The following LRP8 variants were observed in gnomAD, a reference collection of about 807,000 sequenced individuals.
The protein encoded by LRP8 is low-density lipoprotein receptor-related protein 8.
In LRP8, 46 loss-of-function variants were observed where a neutral mutation model predicts 111.6. That is an observed-to-expected ratio of 0.41 (90% CI 0.33 to 0.53). LRP8 has a LOEUF of 0.53. Ranked by LOEUF, LRP8 falls within the 20% of genes least tolerant of loss-of-function variation. The pLI is 0.20. For synonymous variants in LRP8, 464 were observed against 511.2 expected (o/e 0.91, Z 1.24); for missense variants, 959 against 1,297.4 (o/e 0.74, Z 4.01).
At chr1:53,306,387 C>G (rs1651964540) in intron 2 of LRP8, among the ~76,000 whole-genome samples, 1 of 152,242 alleles carries the variant, frequency 6.6e-6, no homozygotes, top group Non-Finnish European at 1.5e-5. Flanking sequence ...CTCCCACATC[C>G]TTTTCTCCAG....
In LRP8 at chr1:53,249,262, C is replaced by T. The variant is rs2100335561; in HGVS notation, c.2853+118G>A. 3.6e-6 allele frequency: 4 copies of T among 1,111,760 alleles called. No homozygotes were observed. The South Asian group carries it at 6.3e-5, about 18-fold the overall frequency. The allele number at this position is 1,111,760 out of a possible 1,614,324, so 68.9% of individuals were successfully genotyped here. A position where few individuals can be genotyped will look rare whatever the true frequency, so the allele number is the denominator to read the frequency against. On this transcript the variant is annotated intron_variant, in intron 18 of 18. Transcript: ENST00000306052. The surrounding 1 kb of genome is among the most constrained non-coding windows in gnomAD (Gnocchi z 4.1). ...AACCCATTTTTCTTCTTTGCCCCAA[C>T]ACCCAGCTTACAATTTGCAGCCTTC...
intron 16 of LRP8, 54 bp downstream of exon 16, chr1:53,255,063 C>G: frequency 6.3e-7 from 1 of 1,584,304 alleles, no homozygotes; most frequent in Non-Finnish European, 8.6e-7. Context: ...GCGCTCTTCC[C>G]TAGGCCTAAG....
At position 53,293,109 on chromosome 1, in the gene LRP8, T is replaced by G. The variant is rs1367876057; in HGVS notation, c.245-3420A>C. Among the ~76,000 whole-genome samples the G allele has an allele frequency of 2.0e-5, 3 of 152,232 alleles. No individual in the cohort carries two copies. The highest frequency in any genetic ancestry group is 2.9e-5 in the Non-Finnish European group (2 of 68,032). ...CTTGAAGAAGGTGATGATGGGGCTC[T>G]GTTGCTGGGCACAGGACAACCAGAT... On this transcript the variant is annotated intron_variant, in intron 2 of 18. Coordinates refer to ENST00000306052, the MANE Select transcript of LRP8 (RefSeq NM_004631.5). This position sits in a 1 kb window ranked among gnomAD's most constrained non-coding sequence, Gnocchi z 4.9.
In LRP8 at chr1:53,275,471, C is replaced by T. The variant is rs1646888393; in HGVS notation, c.1006+160G>A. On this transcript the variant is annotated intron_variant, in intron 6 of 18. Transcript: ENST00000306052. This position sits in a 1 kb window ranked among gnomAD's most constrained non-coding sequence, Gnocchi z 4.4. Reference sequence around the variant, plus strand: ...TCCAGTTCTGGTGCTACTAGGACCCCATGGAAAGGGAGCCAGGTGATTTAG... The same window carrying T: ...TCCAGTTCTGGTGCTACTAGGACCCTATGGAAAGGGAGCCAGGTGATTTAG... 6.6e-6 allele frequency among the ~76,000 whole-genome samples: 1 copy of T among 152,124 alleles called. No homozygotes were observed. The highest frequency in any genetic ancestry group is 1.5e-5 in the Non-Finnish European group (1 of 68,012).
Position 53,321,556 on chromosome 1 carries a change from C to G in LRP8, c.244+5317G>C, listed in dbSNP as rs977628239. Among the ~76,000 whole-genome samples the G allele has an allele frequency of 2.6e-5, 4 of 152,154 alleles. No homozygotes were observed. The East Asian group carries it at 7.7e-4, about 29-fold the overall frequency. On this transcript the variant is annotated intron_variant, in intron 2 of 18. Coordinates refer to ENST00000306052, the MANE Select transcript of LRP8 (RefSeq NM_004631.5). ...TCTGGGCTCTCGCTCCTCACTGCCC[C>G]CTGGGGGTCTCTCTCTCTCTGGCTT...
Position 53,275,878 on chromosome 1 carries a change from G to T in LRP8, c.884-125C>A. On this transcript the variant is annotated intron_variant, in intron 5 of 18. Coordinates refer to ENST00000306052, the MANE Select transcript of LRP8 (RefSeq NM_004631.5). The surrounding 1 kb of genome is among the most constrained non-coding windows in gnomAD (Gnocchi z 4.4). ...ACAGAACCAGTGGCTGAACTCAGGA[G>T]TCCTCAAAGGACACCTGGCCAAGGC... The T allele has an allele frequency of 3.3e-6, 4 of 1,221,188 alleles. No homozygotes were observed. Among genetic ancestry groups the T allele is most frequent in the Non-Finnish European group, 4.5e-6 (4 of 884,120 alleles). 75.6% of individuals were successfully genotyped at this position (1,221,188 alleles called of 1,614,324 possible). A position where few individuals can be genotyped will look rare whatever the true frequency, so the allele number is the denominator to read the frequency against.
In LRP8 at chr1:53,307,638, C is replaced by A. The variant is rs546161896; in HGVS notation, c.245-17949G>T. On this transcript the variant is annotated intron_variant, in intron 2 of 18. Coordinates refer to ENST00000306052, the MANE Select transcript of LRP8 (RefSeq NM_004631.5). ...TGGACACACACTGCAGCACACAGAC[C>A]GCATACCCACACATGCACAGTTGGC... 9.8e-5 allele frequency among the ~76,000 whole-genome samples: 15 copies of A among 152,324 alleles called. No homozygotes were observed. The South Asian group carries it at 3.1e-3, about 32-fold the overall frequency.
intron 13 of LRP8, among the ~76,000 whole-genome samples, chr1:53,258,971 C>A (rs112367979): frequency 9.9e-5 from 15 of 152,282 alleles, no homozygotes; most frequent in African/African-American, 3.4e-4. Flanking sequence ...CTGCAAAATA[C>A]ATTATTTTGT....
At chr1:53,287,183 G>A (rs1647694616) in intron 3 of LRP8, among the ~76,000 whole-genome samples, 1 of 152,228 alleles carries the variant, frequency 6.6e-6, no homozygotes, top group African/African-American at 2.4e-5. Flanking sequence ...TAAATGGATA[G>A]CAGGTTGGCT....
intron 6 of LRP8, among the ~76,000 whole-genome samples, chr1:53,271,731 C>A (rs1278873473): frequency 6.6e-6 from 1 of 152,140 alleles, no homozygotes; most frequent in African/African-American, 2.4e-5. Context: ...GTTGAAGGGT[C>A]CTGTGTGTGT....
intron 2 of LRP8, chr1:53,305,092 C>A (rs952223625): frequency 6.6e-6 from 1 of 152,246 alleles, no homozygotes; most frequent in African/African-American, 2.4e-5. Context: ...TGCAAGTGAA[C>A]CTTCCTCCCA....
At chr1:53,255,932 G>T (rs1373973569) in intron 15 of LRP8, among the ~76,000 whole-genome samples, 1 of 152,216 alleles carries the variant, frequency 6.6e-6, no homozygotes, top group Non-Finnish European at 1.5e-5. Context: ...CTAAGAGGGT[G>T]GAGAGTGGGA....
Position 53,294,569 on chromosome 1 carries a change from G to C in LRP8, c.245-4880C>G, listed in dbSNP as rs903645471. On this transcript the variant is annotated intron_variant, in intron 2 of 18. Coordinates refer to ENST00000306052, the MANE Select transcript of LRP8 (RefSeq NM_004631.5). The surrounding 1 kb of genome is among the most constrained non-coding windows in gnomAD (Gnocchi z 4.1). ...AGCAAATAAGCTAAGGATGGCCCCA[G>C]GGCTTTATGAACTGAGAAGCAAAAA... 6.6e-6 allele frequency among the ~76,000 whole-genome samples: 1 copy of C among 152,222 alleles called. No individual in the cohort carries two copies. The highest frequency in any genetic ancestry group is 2.4e-5 in the African/African-American group (1 of 41,454).
rs1645746804 is a variant in LRP8, at chr1:53,247,024, T to C, written c.2886A>G (p.Leu962=). 3 of 1,604,722 alleles carry C rather than the reference T, an allele frequency of 1.9e-6. No homozygotes were observed. The highest frequency in any genetic ancestry group is 2.5e-6 in the Non-Finnish European group (3 of 1,176,486). ...GAAGGGGGTGATCCCATCCTCAGGG[T>C]AGTCCATCATCTTCAAGGCTTAATG... The part of the protein sequence containing the change: ...RVALSLEDDG[L]P The change falls in exon 19 of 19, where the codon CTA becomes CTG. Residue 962 remains leucine (L), a synonymous_variant. Coordinates refer to ENST00000306052, the MANE Select transcript of LRP8 (RefSeq NM_004631.5).
chr1:53,321,526 C>G (rs566060068), intron 2 of LRP8, among the ~76,000 whole-genome samples: 2 of 152,160 alleles, frequency 1.3e-5, no homozygotes, highest in South Asian at 4.1e-4. Flanking sequence ...CTGTTCCATC[C>G]GCCCTCTGGG....
intron 3 of LRP8, among the ~76,000 whole-genome samples, chr1:53,286,471 C>T (rs1401921655): frequency 6.6e-6 from 1 of 152,212 alleles, no homozygotes; most frequent in Non-Finnish European, 1.5e-5. Flanking sequence ...TATAACTCAC[C>T]TTGAACCATC....
chr1:53,297,234 C>T (rs1481591342), intron 2 of LRP8, among the ~76,000 whole-genome samples: 3 of 152,182 alleles, frequency 2.0e-5, no homozygotes, highest in Non-Finnish European at 2.9e-5. Flanking sequence ...ACCCTAAGCC[C>T]CTGTGACAAG....
rs369816435 is a variant in LRP8 at position 53,249,742 on chromosome 1, G to A, written c.2677-186C>T. Among the ~76,000 whole-genome samples, 16 of 152,192 alleles carry A rather than the reference G, an allele frequency of 1.1e-4. No homozygotes were observed. Among genetic ancestry groups the A allele is most frequent in the Middle Eastern group, 3.4e-3 (1 of 294 alleles). On this transcript the variant is annotated intron_variant, in intron 17 of 18. Coordinates refer to ENST00000306052, the MANE Select transcript of LRP8 (RefSeq NM_004631.5). The surrounding 1 kb of genome is among the most constrained non-coding windows in gnomAD (Gnocchi z 4.1). ...AATGCCATTTCCCTCCTTCTCTCCC[G>A]GGAAAACTGCTATTAATCTTTCAAG...
chr1:53,310,701 C>G (rs765765509), intron 2 of LRP8, among the ~76,000 whole-genome samples: 1 of 152,120 alleles, frequency 6.6e-6, no homozygotes, highest in Non-Finnish European at 1.5e-5. Flanking sequence ...TCGGGAAGAA[C>G]CAGAAAGAAC....
Sources: allele counts gnomAD v4.1 joint callset (sites outside exome capture counted in the v4.1 genomes callset), GRCh38; gene constraint gnomAD v4.1.1; non-coding constraint Gnocchi (gnomAD v3.1); transcripts MANE v1.5; gene names NCBI Gene and HGNC (gene_info 2026-07-23, HGNC 2026-07-21).